The following POU6F2 variants were observed in gnomAD, a reference collection of about 807,000 sequenced individuals.
The protein encoded by POU6F2 is POU class 6 homeobox 2, also known as POU domain, class 6, transcription factor 2.
Under a neutral mutation model 71.3 loss-of-function variants are expected in POU6F2, and 31 were observed. That is an observed-to-expected ratio of 0.43 (90% confidence interval 0.33 to 0.59). The LOEUF is 0.59. Ranked by LOEUF, POU6F2 falls within the 20% of genes least tolerant of loss-of-function variation. The probability of loss-of-function intolerance (pLI) is 0.04; values close to 1 mark genes in which losing one functional copy is unlikely to be tolerated. For synonymous variants in POU6F2, 347 were observed against 355.7 expected (o/e 0.98, Z 0.27); for missense variants, 783 against 856.8 (o/e 0.91, Z 1.07).
intron 1 of POU6F2, among the ~76,000 whole-genome samples, chr7:39,065,650 A>C (rs1490091230): frequency 7.8e-6 from 1 of 128,660 alleles, no homozygotes. Context: ...TTAAAGTGAT[A>C]AAATAATATA....
chr7:39,060,517 A>G (rs192464979), intron 1 of POU6F2, among the ~76,000 whole-genome samples: 3 of 152,326 alleles, frequency 2.0e-5, no homozygotes, highest in Admixed American at 1.3e-4. Flanking sequence ...GTAACTAAAT[A>G]TATGAAAATC....
At chr7:39,261,362 A>G (rs1161222921) in intron 4 of POU6F2, among the ~76,000 whole-genome samples, 1 of 152,252 alleles carries the variant, frequency 6.6e-6, no homozygotes, top group Non-Finnish European at 1.5e-5. Context: ...AAAGTAGGTC[A>G]TTCCAGTGGT....
chr7:39,188,174 C>T (rs998498899), intron 2 of POU6F2, among the ~76,000 whole-genome samples: 2 of 152,130 alleles, frequency 1.3e-5, no homozygotes, highest in Admixed American at 1.3e-4. Flanking sequence ...GATGCAGGTG[C>T]TATTATTACC....
At chr7:39,445,588 T>A (rs1215608693) in intron 7 of POU6F2, among the ~76,000 whole-genome samples, 2 of 152,212 alleles carry the variant, frequency 1.3e-5, no homozygotes, top group Non-Finnish European at 2.9e-5. Context: ...AAAGCCTCTC[T>A]GAATGCCAAA....
intron 1 of POU6F2, among the ~76,000 whole-genome samples, chr7:39,055,374 T>A (rs1790484677): frequency 6.6e-6 from 1 of 152,212 alleles, no homozygotes; most frequent in African/African-American, 2.4e-5. Context: ...AGATAGCTCA[T>A]CATTGTATTC....
rs1207898149 is a variant in POU6F2 at position 39,459,421 on chromosome 7, G to A, written c.1490-1126G>A. Among the ~76,000 whole-genome samples, 48 of 152,022 alleles carry A rather than the reference G, an allele frequency of 3.2e-4. 2 individuals are homozygous for A. On this transcript the variant is annotated intron_variant, in intron 8 of 9. Transcript: ENST00000518318. ...TTTATTTAAAAGTCCTTGAAAATGG[G>A]CATTTGGCGTGCAAATGTTCTGGTT...
chr7:39,032,430 A>C (rs1418956713), intron 1 of POU6F2, among the ~76,000 whole-genome samples: 1 of 152,228 alleles, frequency 6.6e-6, no homozygotes, highest in East Asian at 1.9e-4. Flanking sequence ...TAGTGGATAT[A>C]ATTCCTATAT....
chr7:39,394,750 G>A (rs780279760), intron 5 of POU6F2, among the ~76,000 whole-genome samples: 12 of 152,124 alleles, frequency 7.9e-5, no homozygotes, highest in Non-Finnish European at 1.5e-4. Flanking sequence ...GCTGCTATCA[G>A]TTCTTTTGTG....
chr7:39,204,778 CA>C (rs1411854511), intron 3 of POU6F2, among the ~76,000 whole-genome samples: 4 of 152,050 alleles, frequency 2.6e-5, no homozygotes, highest in Non-Finnish European at 2.9e-5. Context: ...CAATACTGTA[CA>C]TCACACATAG....
At chr7:39,082,764 C>A (rs1791149329) in intron 1 of POU6F2, among the ~76,000 whole-genome samples, 1 of 150,486 alleles carries the variant, frequency 6.6e-6, no homozygotes, top group African/African-American at 2.5e-5. Context: ...CTCTCTGCCT[C>A]ACTAGGGGTT....
chr7:39,442,183 G>C (rs1440027864), intron 7 of POU6F2, among the ~76,000 whole-genome samples: 1 of 152,054 alleles, frequency 6.6e-6, no homozygotes, highest in East Asian at 1.9e-4. Context: ...CATGTGTCTG[G>C]CATTGGTACC....
In POU6F2 at chr7:39,283,262, GC is replaced by G. The variant is rs200341518; in HGVS notation, c.599-56377del. On this transcript the variant is annotated intron_variant, in intron 4 of 9. Coordinates refer to ENST00000518318, the MANE Select transcript of POU6F2 (RefSeq NM_001370959.1). The stretch of plus-strand genomic sequence containing the variant: ...TAACTTCTTCCTTTCCAATTTGAAT[GC>G]CCTTTATTTTTTTCTCTTTCCCAAT... 6.7e-3 allele frequency among the ~76,000 whole-genome samples: 1,021 copies of G among 151,958 alleles called. 8 individuals carry two copies. The highest frequency in any genetic ancestry group is 0.023 in the African/African-American group (968 of 41,452).
chr7:39,412,778 CTTTTTTTTTTTTTTTTTTTTTTTTTTTT>C (rs1166811956), intron 6 of POU6F2, among the ~76,000 whole-genome samples: 7 of 23,168 alleles, frequency 3.0e-4, no homozygotes, highest in South Asian at 1.4e-3. Context: ...GTTTTCTTGC[CTTTTTTTTTTTTTTTTTTTTTTTTTTTT>C]TTTTTTTTTT....
Position 39,044,765 on chromosome 7 carries a change from A to C in POU6F2, c.106-41095A>C, listed in dbSNP as rs541703835. Among the ~76,000 whole-genome samples, 7 of 152,074 alleles carry C rather than the reference A, an allele frequency of 4.6e-5. No homozygotes were observed. In the South Asian group the frequency reaches 1.5e-3, roughly 32 times the overall value. On this transcript the variant is annotated intron_variant, in intron 1 of 9. Coordinates refer to ENST00000518318, the MANE Select transcript of POU6F2 (RefSeq NM_001370959.1). ...ATATGAGCATTTTTTTGCAGAAAAA[A>C]CATGTTCAAGTTAGCATGCAGAAAG... is the stretch of plus-strand genomic sequence containing the variant.
intron 2 of POU6F2, among the ~76,000 whole-genome samples, chr7:39,180,573 A>G (rs1420859080): frequency 3.9e-5 from 6 of 152,050 alleles, no homozygotes; most frequent in African/African-American, 1.4e-4. Flanking sequence ...TTGTATGGGA[A>G]ACTCCAGCCT....
chr7:39,423,696 A>T lies in POU6F2; in HGVS notation c.1114-9381A>T. ...AAAGCTTCGAGTATATGTTAACCAT[A>T]AGCAATACATTTCCCAGGAGAAGAT... On this transcript the variant is annotated intron_variant, in intron 6 of 9. Transcript: ENST00000518318. Among the ~76,000 whole-genome samples, 2 of 152,202 alleles carry T rather than the reference A, an allele frequency of 1.3e-5. 1 individual carries two copies. Among genetic ancestry groups the T allele is most frequent in the Non-Finnish European group, 2.9e-5 (2 of 68,048 alleles).
intron 5 of POU6F2, among the ~76,000 whole-genome samples, chr7:39,370,958 G>T (rs1265359969): frequency 6.6e-6 from 1 of 152,174 alleles, no homozygotes; most frequent in Non-Finnish European, 1.5e-5. Flanking sequence ...TAGACAGACA[G>T]ACAGAGATAT....
chr7:39,335,349 T>C (rs1029701619), intron 4 of POU6F2, among the ~76,000 whole-genome samples: 9 of 152,212 alleles, frequency 5.9e-5, no homozygotes, highest in Admixed American at 4.6e-4. Context: ...ATGATTTGCC[T>C]GCAGTAGGAC....
intron 7 of POU6F2, among the ~76,000 whole-genome samples, chr7:39,448,440 C>A (rs148636398): frequency 8.5e-5 from 13 of 152,218 alleles, no homozygotes; most frequent in Non-Finnish European, 1.8e-4. Flanking sequence ...TAGAGGTAAG[C>A]AGAACCCCAG....
Sources: allele counts gnomAD v4.1 joint callset (sites outside exome capture counted in the v4.1 genomes callset), GRCh38; gene constraint gnomAD v4.1.1; transcripts MANE v1.5; gene names NCBI Gene and HGNC (gene_info 2026-07-23, HGNC 2026-07-21).